Variants in GRK4 observed in about 807,000 individuals in gnomAD.
GRK4 encodes the protein G protein-coupled receptor kinase 2-like.
A neutral mutation model predicts 77.9 loss-of-function variants in GRK4; 73 were observed. The ratio of observed to expected loss-of-function variants is 0.94; its 90% confidence interval spans 0.78 to 1.14. GRK4 has a LOEUF of 1.14. Among genes scored for constraint, GRK4 ranks in the 50% most tolerant of loss-of-function variants. The pLI, the probability that GRK4 is intolerant of heterozygous loss-of-function variation, is 0.00. For synonymous variants in GRK4, 257 were observed against 254.4 expected, an observed-to-expected ratio of 1.01 and a Z score of -0.10; for missense variants, 729 against 700.2, an observed-to-expected ratio of 1.04 and a Z score of -0.46.
In GRK4 at chr4:2,972,860, G is replaced by T. The variant is rs117380436; in HGVS notation, c.52+8738G>T. ...AGCAGCTCTCCTGCCTCAGCGTCCC[G>T]AGTAGCTAAGACTACAGGTGTACAC... On this transcript the variant is annotated intron_variant, in intron 1 of 15. Coordinates refer to ENST00000398052, the MANE Select transcript of GRK4 (RefSeq NM_182982.3). Among the ~76,000 whole-genome samples the T allele has an allele frequency of 4.8e-3, 729 of 152,186 alleles. 43 individuals carry two copies. In the East Asian group the frequency reaches 0.13, roughly 26 times the overall value.
chr4:2,997,873 A>G (rs112646474), intron 4 of GRK4, among the ~76,000 whole-genome samples: 2 of 147,988 alleles, frequency 1.4e-5, no homozygotes, highest in Non-Finnish European at 3.0e-5. Context: ...GCACCACTGC[A>G]CTCCAGCCTG....
At position 3,004,176 on chromosome 4, in the gene GRK4, A is replaced by G. The variant is rs1730637582; in HGVS notation, c.340-55A>G. On this transcript the variant is annotated intron_variant, in intron 4 of 15. Transcript: ENST00000398052. ...TTACAATAAGCATTAGGTTCTGTTC[A>G]CTAGTAAGTTATGAAATCACTAATG... 2.0e-5 allele frequency: 25 copies of G among 1,232,994 alleles called. No homozygotes were observed. The East Asian group carries it at 5.8e-4, about 29-fold the overall frequency. The allele number at this position is 1,232,994 out of a possible 1,614,324, so 76.4% of individuals were successfully genotyped here. A position where few individuals can be genotyped will look rare whatever the true frequency, so the allele number is the denominator to read the frequency against.
intron 2 of GRK4, 148 bp from the exon 3 acceptor site, chr4:2,988,576 AAAC>A (rs1553879888): frequency 1.3e-3 from 620 of 495,964 alleles, no homozygotes; most frequent in East Asian, 2.3e-3. Flanking sequence ...TGTCTGAAAC[AAAC>A]AACAACAACA....
In GRK4 at chr4:3,019,839, C is replaced by T. The variant is rs758828477; in HGVS notation, c.932+8C>T. 1.7e-5 allele frequency: 27 copies of T among 1,610,458 alleles called. No individual in the cohort carries two copies. In the Middle Eastern group the frequency reaches 5.0e-4, roughly 30 times the overall value. On this transcript the variant is annotated splice_region_variant and intron_variant, in intron 9 of 15. Coordinates refer to ENST00000398052, the MANE Select transcript of GRK4 (RefSeq NM_182982.3). ...GGAAAGAATTGTATACAGGTAAGAA[C>T]GGTGCTACCTAATGGAGCCTGCAAG...
At chr4:2,993,491 T>C (rs921207708) in intron 4 of GRK4, among the ~76,000 whole-genome samples, 1 of 152,082 alleles carries the variant, frequency 6.6e-6, no homozygotes. Flanking sequence ...CTGGCCAATA[T>C]GGTGAAACCC....
At position 2,963,718 on chromosome 4, in the gene GRK4, T is replaced by C. The variant is rs1350588554; in HGVS notation, c.-353T>C. ...GTGAGCCACGGCATTGACTCGGGGC[T>C]GCCCGGGGGCAGGGCACTGAGGAGG... On this transcript the variant is annotated 5_prime_UTR_variant, in exon 1 of 16. Coordinates refer to ENST00000398052, the MANE Select transcript of GRK4 (RefSeq NM_182982.3). 2.5e-6 allele frequency: 1 copy of C among 392,238 alleles called. No homozygotes were observed. Among genetic ancestry groups the C allele is most frequent in the Admixed American group, 4.9e-5 (1 of 20,440 alleles). 24.3% of individuals were successfully genotyped at this position (392,238 alleles called of 1,614,324 possible). A position where few individuals can be genotyped will look rare whatever the true frequency, so the allele number is the denominator to read the frequency against.
chr4:2,996,288 C>T (rs2109734268), intron 4 of GRK4, among the ~76,000 whole-genome samples: 1 of 152,250 alleles, frequency 6.6e-6, no homozygotes, highest in African/African-American at 2.4e-5. Context: ...GGCGCGGTGG[C>T]TCACGCCTGT....
chr4:2,972,215 C>T (rs1202417702), intron 1 of GRK4, among the ~76,000 whole-genome samples: 1 of 152,190 alleles, frequency 6.6e-6, no homozygotes, highest in Non-Finnish European at 1.5e-5. Flanking sequence ...ACCCAGTATG[C>T]TGCCCAGACT....
intron 4 of GRK4, among the ~76,000 whole-genome samples, chr4:3,001,105 G>GTGTGTGTGTGTGTA (rs1272463632): frequency 7.8e-6 from 1 of 128,468 alleles, no homozygotes; most frequent in Middle Eastern, 4.0e-3. Flanking sequence ...GTGTGTGTGT[G>GTGTGTGTGTGTGTA]TATATATATG....
intron 15 of GRK4, chr4:3,038,825 C>G (rs537331449): frequency 7.8e-6 from 2 of 255,882 alleles, no homozygotes; most frequent in East Asian, 6.6e-5. Flanking sequence ...TCCTGTGGAA[C>G]CTTCGTCAGA....
At chr4:2,997,282 C>T (rs555486265) in intron 4 of GRK4, among the ~76,000 whole-genome samples, 1 of 152,184 alleles carries the variant, frequency 6.6e-6, no homozygotes, top group East Asian at 1.9e-4. Context: ...ATCTGAAAAT[C>T]AATTACTATA....
At chr4:2,980,961 C>T (rs1047231975) in intron 1 of GRK4, among the ~76,000 whole-genome samples, 2 of 152,240 alleles carry the variant, frequency 1.3e-5, no homozygotes, top group Non-Finnish European at 2.9e-5. Flanking sequence ...TGGGGTCTGG[C>T]CATTGGGCAC....
At chr4:3,000,458 T>G (rs938180660) in intron 4 of GRK4, among the ~76,000 whole-genome samples, 5 of 152,350 alleles carry the variant, frequency 3.3e-5, no homozygotes, top group African/African-American at 1.2e-4. Flanking sequence ...TGAGAATATT[T>G]TGTCTTGTTT....
chr4:3,014,389 C>T (rs74508702), intron 8 of GRK4, among the ~76,000 whole-genome samples: 2,059 of 151,464 alleles, frequency 0.014, 25 homozygotes, highest in Middle Eastern at 0.024. Flanking sequence ...CTCAACCTTC[C>T]AGGCCCAAGT....
intron 12 of GRK4, among the ~76,000 whole-genome samples, chr4:3,032,117 C>T (rs1739340162): frequency 6.6e-6 from 1 of 152,116 alleles, no homozygotes; most frequent in African/African-American, 2.4e-5. Context: ...AAATATGTAC[C>T]AGAAATGGAG....
chr4:2,994,576 A>C (rs1460745742), intron 4 of GRK4, among the ~76,000 whole-genome samples: 1 of 152,240 alleles, frequency 6.6e-6, no homozygotes, highest in Non-Finnish European at 1.5e-5. Flanking sequence ...TTCTGAAGAA[A>C]TACCCATATA....
At chr4:2,996,389 T>G (rs1401591550) in intron 4 of GRK4, among the ~76,000 whole-genome samples, 1 of 152,152 alleles carries the variant, frequency 6.6e-6, no homozygotes, top group Non-Finnish European at 1.5e-5. Flanking sequence ...ACCCCGTCTC[T>G]ACTAACAATA....
At position 3,029,247 on chromosome 4, in the gene GRK4, G is replaced by A. The variant is rs983922638; in HGVS notation, c.1107G>A (p.Trp369Ter). 6.2e-7 allele frequency: 1 copy of A among 1,614,044 alleles called. No individual in the cohort carries two copies. Among genetic ancestry groups the A allele is most frequent in the Non-Finnish European group, 8.5e-7 (1 of 1,179,898 alleles). Residue 369 changes from tryptophan (W) to a stop codon, truncating the protein, a stop_gained, in exon 12 of 16, where the codon TGG (tryptophan) becomes TGA (stop). Coordinates refer to ENST00000398052, the MANE Select transcript of GRK4 (RefSeq NM_182982.3). LOFTEE classifies it high-confidence loss of function. ...AAAAGTATACGTTTAGTCCCGATTG[G>A]TGGGGACTTGGCTGTCTGATCTATG... ...NNEKYTFSPDWWGLGCLIYEM... is the reference protein window; with the variant it reads ...NNEKYTFSPD
chr4:2,973,869 C>G (rs1425982531), intron 1 of GRK4, among the ~76,000 whole-genome samples: 1 of 152,224 alleles, frequency 6.6e-6, no homozygotes, highest in Non-Finnish European at 1.5e-5. Context: ...GCCGTAGTCT[C>G]TGCAGTGGCC....
Sources: allele counts gnomAD v4.1 joint callset (sites outside exome capture counted in the v4.1 genomes callset), GRCh38; gene constraint gnomAD v4.1.1; transcripts MANE v1.5; gene names NCBI Gene and HGNC (gene_info 2026-07-23, HGNC 2026-07-21).